TBC1D14: variants seen among roughly 807,000 people sequenced by gnomAD.
The protein encoded by TBC1D14 is TBC1 domain family member 14.
A neutral mutation model predicts 79.0 loss-of-function variants in TBC1D14; 26 were observed. The observed-to-expected ratio is 0.33, with a 90% CI of 0.24 to 0.46. The LOEUF is 0.46. Ranked by LOEUF, TBC1D14 falls within the 20% of genes least tolerant of loss-of-function variation. The pLI is 1.00. For synonymous variants in TBC1D14, 394 were observed against 349.9 expected (o/e 1.13, Z -1.40); for missense variants, 769 against 887.6 (o/e 0.87, Z 1.70).
chr4:6,988,750 A>G (rs958084443), intron 3 of TBC1D14, among the ~76,000 whole-genome samples: 14 of 152,176 alleles, frequency 9.2e-5, no homozygotes, highest in African/African-American at 3.4e-4. Flanking sequence ...CCTTCCTGGA[A>G]GTCAGGGGGC....
intron 2 of TBC1D14, among the ~76,000 whole-genome samples, chr4:6,938,272 G>A (rs1257076276): frequency 6.6e-6 from 1 of 152,166 alleles, no homozygotes; most frequent in African/African-American, 2.4e-5. Flanking sequence ...GGTGGCCCCA[G>A]TGCTAGGAGC....
At chr4:7,008,391 C>G (rs1173454436) in intron 9 of TBC1D14, among the ~76,000 whole-genome samples, 1 of 152,160 alleles carries the variant, frequency 6.6e-6, no homozygotes, top group Non-Finnish European at 1.5e-5. Flanking sequence ...AGAACTGTGT[C>G]CAAAAGCAGT....
intron 3 of TBC1D14, among the ~76,000 whole-genome samples, chr4:6,982,378 C>T (rs1717457877): frequency 6.6e-6 from 1 of 152,112 alleles, no homozygotes; most frequent in Admixed American, 6.6e-5. Context: ...TCATTTGTAT[C>T]ACATACTTGA....
chr4:6,947,303 C>G (rs553933397), intron 2 of TBC1D14, among the ~76,000 whole-genome samples: 17 of 152,272 alleles, frequency 1.1e-4, no homozygotes, highest in African/African-American at 4.1e-4. Flanking sequence ...CGAGACCATC[C>G]TGACTACCAC....
intron 1 of TBC1D14, among the ~76,000 whole-genome samples, chr4:6,918,622 C>T (rs950670226): frequency 4.6e-5 from 7 of 152,186 alleles, no homozygotes; most frequent in African/African-American, 9.7e-5. Flanking sequence ...CATTTGAGGT[C>T]GCCTTACTTG....
chr4:7,024,048 A>G (rs894072379), intron 12 of TBC1D14, among the ~76,000 whole-genome samples: 1 of 152,164 alleles, frequency 6.6e-6, no homozygotes, highest in Non-Finnish European at 1.5e-5. Flanking sequence ...CCATAACTGC[A>G]TGTCCTCGGG....
intron 12 of TBC1D14, among the ~76,000 whole-genome samples, chr4:7,018,146 C>T (rs1220793998): frequency 1.3e-5 from 2 of 152,188 alleles, no homozygotes; most frequent in East Asian, 3.8e-4. Flanking sequence ...ATCAGACCAC[C>T]TTTCCCAGAG....
chr4:6,909,725 G>A (rs1403836108), upstream of TBC1D14: 1 of 150,456 alleles, frequency 6.6e-6, no homozygotes, highest in Non-Finnish European at 1.5e-5. Flanking sequence ...GGGCCGGCAG[G>A]GGGCGGGGCG....
chr4:6,934,798 C>T (rs1712151018), intron 2 of TBC1D14, among the ~76,000 whole-genome samples: 1 of 152,114 alleles, frequency 6.6e-6, no homozygotes, highest in Non-Finnish European at 1.5e-5. Flanking sequence ...GAGAATGGGG[C>T]CGGCATGGTG....
At chr4:6,925,250 GA>G (rs1724198782) in intron 2 of TBC1D14, among the ~76,000 whole-genome samples, 1 of 152,202 alleles carries the variant, frequency 6.6e-6, no homozygotes. Context: ...CTGGGCGACA[GA>G]ATGAGACTCC....
Position 7,031,727 on chromosome 4 carries a change from G to A in TBC1D14, c.*1335G>A, listed in dbSNP as rs1474897719. 6.6e-6 allele frequency: 1 copy of A among 152,228 alleles called. No individual in the cohort carries two copies. The highest frequency in any genetic ancestry group is 1.5e-5 in the Non-Finnish European group (1 of 68,052). The allele number at this position is 152,228 out of a possible 1,614,324, so 9.4% of individuals were successfully genotyped here. On this transcript the variant is annotated 3_prime_UTR_variant, in exon 14 of 14. Transcript: ENST00000409757. Reference sequence around the variant, plus strand: ...GCGGACCCGGTCACGGGCTTGGTTAGTCATGCGTACATGTGTGCCTTGGGG... The same window carrying A: ...GCGGACCCGGTCACGGGCTTGGTTAATCATGCGTACATGTGTGCCTTGGGG...
intron 1 of TBC1D14, among the ~76,000 whole-genome samples, chr4:6,921,417 G>A (rs937276542): frequency 6.6e-6 from 1 of 152,076 alleles, no homozygotes; most frequent in Non-Finnish European, 1.5e-5. Flanking sequence ...TGTTGCCGAG[G>A]CTTGCTTTTG....
Position 6,924,710 on chromosome 4 carries a change from C to G in TBC1D14, c.722+599C>G, listed in dbSNP as rs562759717. 3.9e-5 allele frequency among the ~76,000 whole-genome samples: 6 copies of G among 152,330 alleles called. No homozygotes were observed. The South Asian group carries it at 1.0e-3, about 26-fold the overall frequency. On this transcript the variant is annotated intron_variant, in intron 2 of 13. Transcript: ENST00000409757. ...CCCATGGGGCCTTGTCACCTGAGTG[C>G]TGGAGTTCCTGTGTCTCCCTGAAGC...
At chr4:6,978,171 C>G (rs1202757465) in intron 3 of TBC1D14, among the ~76,000 whole-genome samples, 1 of 151,222 alleles carries the variant, frequency 6.6e-6, no homozygotes, top group Non-Finnish European at 1.5e-5. Flanking sequence ...TGAGGGGCGC[C>G]TCTGCCCGGC....
chr4:6,988,223 C>G (rs1718084102), intron 3 of TBC1D14, among the ~76,000 whole-genome samples: 1 of 152,202 alleles, frequency 6.6e-6, no homozygotes, highest in South Asian at 2.1e-4. Flanking sequence ...CGCGGTGTTG[C>G]GGACACTTTC....
chr4:6,932,195 A>C (rs967627195), intron 2 of TBC1D14, among the ~76,000 whole-genome samples: 3 of 152,026 alleles, frequency 2.0e-5, no homozygotes, highest in Non-Finnish European at 4.4e-5. Flanking sequence ...CCCTGTCTCT[A>C]CTAAAAATAC....
intron 7 of TBC1D14, among the ~76,000 whole-genome samples, chr4:7,002,154 T>C (rs1276120305): frequency 6.6e-6 from 1 of 152,246 alleles, no homozygotes; most frequent in Admixed American, 6.5e-5. Context: ...GTCAGCCAGC[T>C]GGCTGGTGAC....
intron 2 of TBC1D14, among the ~76,000 whole-genome samples, chr4:6,927,194 T>TAG (rs928786952): frequency 3.3e-5 from 5 of 152,032 alleles, no homozygotes; most frequent in Non-Finnish European, 7.4e-5. Context: ...GCCTGAGCTT[T>TAG]AGAGAGAGTC....
At chr4:6,918,726 A>G (rs1306942391) in intron 1 of TBC1D14, among the ~76,000 whole-genome samples, 2 of 152,148 alleles carry the variant, frequency 1.3e-5, no homozygotes, top group Admixed American at 1.3e-4. Flanking sequence ...GCTTTTTGCT[A>G]GTTTGATCTG....
Sources: gnomAD v4.1 joint callset for allele counts (sites outside exome capture counted in the v4.1 genomes callset) on GRCh38, gnomAD v4.1.1 for gene constraint, MANE v1.5 for transcripts, NCBI Gene and HGNC (gene_info 2026-07-23, HGNC 2026-07-21) for gene names.